PALLD: variants seen among roughly 807,000 people sequenced by gnomAD.
The protein encoded by PALLD is palladin.
In PALLD, 61 loss-of-function variants were observed where a neutral mutation model predicts 123.5. The observed-to-expected ratio is 0.49, with a 90% CI of 0.40 to 0.61. The LOEUF (loss-of-function observed/expected upper bound fraction) is 0.61. Ranked by LOEUF, PALLD falls within the 20% of genes least tolerant of loss-of-function variation. PALLD has a pLI of 0.00. For missense variants in PALLD, 1,273 were observed against 1,377.0 expected, an observed-to-expected ratio of 0.92 and a Z score of 1.20; for synonymous variants, 465 against 496.4, an observed-to-expected ratio of 0.94 and a Z score of 0.84.
chr4:168,512,012 G>A lies in PALLD; in HGVS notation c.508G>A (p.Asp170Asn). ...RKGGPQSQLC[D>N]KAANLIEELT... is the part of the protein sequence containing the mutation. ...GGGTGGCCCCCAGAGCCAGCTGTGT[G>A]ACAAGGCAGCTAATTTAATTGAGGA... Residue 170 changes from aspartate to asparagine, a missense_variant, in exon 2 of 22, where the codon GAC becomes AAC. This residue lies in a region of PALLD where 944 missense variants were observed against 954.5 expected (regional missense o/e 0.99). Coordinates refer to ENST00000505667, the MANE Select transcript of PALLD (RefSeq NM_001166108.2). 1.2e-6 allele frequency: 2 copies of A among 1,614,210 alleles called. No individual in the cohort carries two copies. Among genetic ancestry groups the A allele is most frequent in the Non-Finnish European group, 1.7e-6 (2 of 1,180,046 alleles).
intron 2 of PALLD, among the ~76,000 whole-genome samples, chr4:168,585,669 T>C (rs1487137883): frequency 1.3e-5 from 2 of 152,076 alleles, no homozygotes; most frequent in African/African-American, 4.8e-5. Flanking sequence ...CAGGACAGTA[T>C]GAGGAGCAGC....
chr4:168,924,219 T>TATCA lies in PALLD; in HGVS notation c.3059-35_3059-32dup, dbSNP rs778333916. The TATCA allele has an allele frequency of 2.5e-6, 4 of 1,582,996 alleles. No homozygotes were observed. In the African/African-American group the frequency reaches 4.0e-5, roughly 16 times the overall value. ...AATTCTTTCTAGTGCTCCTTTTGTA[T>TATCA]ATCATTGATAGAGAATTCATCTCAT... On this transcript the variant is annotated intron_variant, in intron 18 of 21. Transcript: ENST00000505667.
chr4:168,533,859 G>A (rs1764842270), intron 2 of PALLD, among the ~76,000 whole-genome samples: 1 of 152,140 alleles, frequency 6.6e-6, no homozygotes, highest in Admixed American at 6.5e-5. Flanking sequence ...GCTAAAGGAG[G>A]ACATTTTCTC....
intron 2 of PALLD, among the ~76,000 whole-genome samples, chr4:168,584,090 G>C (rs571274593): frequency 6.6e-6 from 1 of 152,220 alleles, no homozygotes; most frequent in South Asian, 2.1e-4. Context: ...ATAAATATCA[G>C]ATTCTATCCC....
intron 10 of PALLD, among the ~76,000 whole-genome samples, chr4:168,797,829 C>G (rs1738732894): frequency 6.6e-6 from 1 of 151,852 alleles, no homozygotes; most frequent in Non-Finnish European, 1.5e-5. Context: ...CACCTCAACC[C>G]CACCCCCACC....
chr4:168,572,755 C>A (rs1034402173), intron 2 of PALLD, among the ~76,000 whole-genome samples: 1 of 151,746 alleles, frequency 6.6e-6, no homozygotes, highest in South Asian at 2.1e-4. Context: ...TTCTTGCCAC[C>A]CACACTGCTC....
At chr4:168,817,988 G>A (rs959410038) in intron 10 of PALLD, among the ~76,000 whole-genome samples, 2 of 152,158 alleles carry the variant, frequency 1.3e-5, no homozygotes, top group Non-Finnish European at 2.9e-5. Flanking sequence ...AGCTAAACTG[G>A]AGTGCAAAAT....
At chr4:168,521,778 G>T (rs1256141303) in intron 2 of PALLD, among the ~76,000 whole-genome samples, 1 of 152,174 alleles carries the variant, frequency 6.6e-6, no homozygotes, top group African/African-American at 2.4e-5. Flanking sequence ...TTGACTATTT[G>T]TTGAGTCCTA....
chr4:168,557,432 G>A (rs1580304360), intron 2 of PALLD, among the ~76,000 whole-genome samples: 2 of 152,104 alleles, frequency 1.3e-5, no homozygotes, highest in East Asian at 1.9e-4. Context: ...TCCAAGCAAC[G>A]GATCCCTATT....
rs1488577356 is a variant in PALLD, at chr4:168,670,743, AAAAC to A, written c.1087+2379_1087+2382del. 2.0e-3 allele frequency among the ~76,000 whole-genome samples: 111 copies of A among 55,394 alleles called. 2 individuals are homozygous for A. Among genetic ancestry groups the A allele is most frequent in the African/African-American group, 5.9e-3 (51 of 8,698 alleles). The allele number at this position is 55,394 out of a possible 152,430, so 36.3% of individuals were successfully genotyped here. A position where few individuals can be genotyped will look rare whatever the true frequency, so the allele number is the denominator to read the frequency against. The stretch of plus-strand genomic sequence containing the variant: ...CGACAGAGCGAGACTCCGTCTCAAA[AAAAC>A]AAAAAAAACAAAAAAAACAAAAAAA... On this transcript the variant is annotated intron_variant, in intron 3 of 21. Transcript: ENST00000505667.
In PALLD at chr4:168,865,638, T is replaced by C. The variant is rs74645835; in HGVS notation, c.1965-25284T>C. 3.3e-5 allele frequency among the ~76,000 whole-genome samples: 5 copies of C among 152,324 alleles called. No individual in the cohort carries two copies. The East Asian group carries it at 9.6e-4, about 29-fold the overall frequency. On this transcript the variant is annotated intron_variant, in intron 10 of 21. Coordinates refer to ENST00000505667, the MANE Select transcript of PALLD (RefSeq NM_001166108.2). The stretch of plus-strand genomic sequence containing the variant: ...ATTTGAAAAGTCGTCTTTATAGTGT[T>C]GTTCACCATATGATATAATGTTTCT...
chr4:168,854,746 C>T (rs1002982442), intron 10 of PALLD, among the ~76,000 whole-genome samples: 8 of 152,186 alleles, frequency 5.3e-5, no homozygotes, highest in South Asian at 2.1e-4. Flanking sequence ...TAAAAAAGGA[C>T]GACAGAGAGG....
intron 8 of PALLD, among the ~76,000 whole-genome samples, chr4:168,707,079 A>G (rs1784301752): frequency 6.6e-6 from 1 of 152,226 alleles, no homozygotes; most frequent in African/African-American, 2.4e-5. Flanking sequence ...TTTTAAACAT[A>G]TCACTTTTAC....
chr4:168,724,962 A>G (rs1178074129), intron 10 of PALLD, among the ~76,000 whole-genome samples: 2 of 152,192 alleles, frequency 1.3e-5, no homozygotes, highest in East Asian at 3.8e-4. Context: ...ACTACTGTAC[A>G]CCATCTCGAC....
intron 2 of PALLD, among the ~76,000 whole-genome samples, chr4:168,553,111 C>G (rs1561239401): frequency 6.6e-6 from 1 of 152,148 alleles, no homozygotes; most frequent in Non-Finnish European, 1.5e-5. Context: ...GATGTGAAAA[C>G]TGAGTCTCAG....
chr4:168,501,238 C>T (rs1432544626), intron 1 of PALLD, among the ~76,000 whole-genome samples: 1 of 151,910 alleles, frequency 6.6e-6, no homozygotes, highest in Non-Finnish European at 1.5e-5. Flanking sequence ...GAAAGGAGAC[C>T]CTATCTCTAC....
At chr4:168,887,095 C>G (rs575447102) in intron 10 of PALLD, among the ~76,000 whole-genome samples, 56 of 112,124 alleles carry the variant, frequency 5.0e-4, no homozygotes, top group Non-Finnish European at 7.6e-4. Context: ...CCAGCCTAGG[C>G]AACAGAGTGA....
At chr4:168,920,462 A>G (rs1486714082) in intron 17 of PALLD, among the ~76,000 whole-genome samples, 1 of 152,162 alleles carries the variant, frequency 6.6e-6, no homozygotes, top group East Asian at 1.9e-4. Context: ...TTTACAGTCT[A>G]AGTGACATCT....
rs76584520 is a variant in PALLD, at chr4:168,517,059, C to T, written c.908+4647C>T. On this transcript the variant is annotated intron_variant, in intron 2 of 21. Transcript: ENST00000505667. The stretch of plus-strand genomic sequence containing the variant: ...TGGCCATTGGAAAAGTCCAGGCTGA[C>T]GCACAGGGAATGCGCCACAGGAAAA... 7.8e-4 allele frequency among the ~76,000 whole-genome samples: 118 copies of T among 152,200 alleles called. 3 individuals are homozygous for T. In the East Asian group the frequency reaches 0.02, roughly 25 times the overall value.
Sources: allele counts gnomAD v4.1 joint callset (sites outside exome capture counted in the v4.1 genomes callset), GRCh38; gene constraint gnomAD v4.1.1; regional missense constraint gnomAD v4.1.1; transcripts MANE v1.5; gene names NCBI Gene and HGNC (gene_info 2026-07-23, HGNC 2026-07-21).